Variants in MAPKAP1 observed in about 807,000 individuals in gnomAD.
The protein encoded by MAPKAP1 is MAPK associated protein 1.
Under a neutral mutation model 65.7 loss-of-function variants are expected in MAPKAP1, and 20 were observed. The ratio of observed to expected loss-of-function variants is 0.30; its 90% CI spans 0.21 to 0.44. The LOEUF is 0.44. Ranked by LOEUF, MAPKAP1 falls within the 20% of genes least tolerant of loss-of-function variation. MAPKAP1 has a pLI of 1.00. For missense variants in MAPKAP1, 423 were observed against 648.0 expected, an observed-to-expected ratio of 0.65 and a Z score of 3.77; for synonymous variants, 222 against 244.3, an observed-to-expected ratio of 0.91 and a Z score of 0.85.
At chr9:125,508,997 GCAAATTA>G (rs1479083897) in intron 7 of MAPKAP1, among the ~76,000 whole-genome samples, 23 of 151,934 alleles carry the variant, frequency 1.5e-4, no homozygotes, top group African/African-American at 5.6e-4. Flanking sequence ...TATGAAAGCA[GCAAATTA>G]CAGCACATTT....
At chr9:125,644,534 T>C (rs1009419504) in intron 4 of MAPKAP1, among the ~76,000 whole-genome samples, 5 of 152,258 alleles carry the variant, frequency 3.3e-5, no homozygotes, top group Admixed American at 6.5e-5. Flanking sequence ...TCCTTTTCCA[T>C]AGAAAATGGT....
Position 125,463,423 on chromosome 9 carries a change from A to C in MAPKAP1, c.1345+4549T>G, listed in dbSNP as rs564990163. Among the ~76,000 whole-genome samples, 5 of 152,370 alleles carry C rather than the reference A, an allele frequency of 3.3e-5. No homozygotes were observed. The South Asian group carries it at 1.0e-3, about 32-fold the overall frequency. On this transcript the variant is annotated intron_variant, in intron 10 of 11. Coordinates refer to ENST00000265960, the MANE Select transcript of MAPKAP1 (RefSeq NM_001006617.3). ...ATCATTATTCAGTAGCTTTAATTTA[A>C]TTAGTAAATTAAATACACTACTTTA...
intron 6 of MAPKAP1, among the ~76,000 whole-genome samples, chr9:125,557,774 G>C (rs535007996): frequency 1.2e-4 from 18 of 152,244 alleles, no homozygotes; most frequent in Non-Finnish European, 4.4e-5. Flanking sequence ...TAGATAGTAA[G>C]CTCCATGAGG....
chr9:125,594,408 C>T (rs1832063867), intron 4 of MAPKAP1, among the ~76,000 whole-genome samples: 2 of 152,242 alleles, frequency 1.3e-5, no homozygotes, highest in South Asian at 2.1e-4. Context: ...AGGCCCAGGT[C>T]GGAATCCTGG....
rs1853460601 is a variant in MAPKAP1 at position 125,460,643 on chromosome 9, C to T, written c.1345+7329G>A. 3.3e-5 allele frequency among the ~76,000 whole-genome samples: 5 copies of T among 152,290 alleles called. No homozygotes were observed. The South Asian group carries it at 1.0e-3, about 32-fold the overall frequency. On this transcript the variant is annotated intron_variant, in intron 10 of 11. Coordinates refer to ENST00000265960, the MANE Select transcript of MAPKAP1 (RefSeq NM_001006617.3). Reference sequence around the variant, plus strand: ...AGAGTGTTGATCCTTCTAGGGCCCACTGTATCAAAACACCTTTTTTATAGG... The same window carrying T: ...AGAGTGTTGATCCTTCTAGGGCCCATTGTATCAAAACACCTTTTTTATAGG...
intron 4 of MAPKAP1, among the ~76,000 whole-genome samples, chr9:125,610,567 T>TC (rs1474573356): frequency 6.6e-6 from 1 of 152,166 alleles, no homozygotes; most frequent in Non-Finnish European, 1.5e-5. Context: ...CGTGATACCC[T>TC]CCTCACAACC....
intron 6 of MAPKAP1, among the ~76,000 whole-genome samples, chr9:125,548,261 A>T (rs1830486052): frequency 6.6e-6 from 1 of 152,224 alleles, no homozygotes; most frequent in African/African-American, 2.4e-5. Context: ...GAAAGATAAG[A>T]AGTCAACAAA....
chr9:125,463,569 G>C (rs1170157280), intron 10 of MAPKAP1, among the ~76,000 whole-genome samples: 1 of 152,186 alleles, frequency 6.6e-6, no homozygotes, highest in African/African-American at 2.4e-5. Flanking sequence ...GCAAGTTCTA[G>C]TCACTAGGGT....
intron 6 of MAPKAP1, 50 bp downstream of exon 6, chr9:125,559,583 C>A: frequency 6.5e-7 from 1 of 1,531,590 alleles, no homozygotes; most frequent in Non-Finnish European, 8.9e-7. Context: ...ATCCAAAATG[C>A]TAGAAGGTTG....
intron 7 of MAPKAP1, among the ~76,000 whole-genome samples, chr9:125,538,739 G>C (rs1432307698): frequency 6.6e-6 from 1 of 151,982 alleles, no homozygotes; most frequent in Non-Finnish European, 1.5e-5. Context: ...AGGATGCAGA[G>C]AGCTCCCCTG....
intron 6 of MAPKAP1, among the ~76,000 whole-genome samples, chr9:125,549,951 T>C (rs1451292025): frequency 6.6e-5 from 10 of 152,216 alleles, no homozygotes; most frequent in Admixed American, 5.9e-4. Flanking sequence ...AAACACACCG[T>C]GGGCTACTTC....
chr9:125,630,910 AG>A lies in MAPKAP1; in HGVS notation c.498+26740del, dbSNP rs367614545. On this transcript the variant is annotated intron_variant, in intron 4 of 11. Coordinates refer to ENST00000265960, the MANE Select transcript of MAPKAP1 (RefSeq NM_001006617.3). ...TGAGACCAGCCTGGGCAACAAACAA[AG>A]GGAGACGCCATCTCTACAAAAAATA... Among the ~76,000 whole-genome samples, 739 of 152,246 alleles carry A rather than the reference AG, an allele frequency of 4.9e-3. 5 individuals carry two copies. The highest frequency in any genetic ancestry group is 0.017 in the African/African-American group (699 of 41,546).
intron 1 of MAPKAP1, among the ~76,000 whole-genome samples, chr9:125,681,796 C>T (rs1834829263): frequency 1.3e-5 from 2 of 152,202 alleles, no homozygotes; most frequent in South Asian, 2.1e-4. Flanking sequence ...ACAGAGATAG[C>T]GTCTCGCTCT....
At chr9:125,602,115 T>C (rs1246945278) in intron 4 of MAPKAP1, among the ~76,000 whole-genome samples, 2 of 152,060 alleles carry the variant, frequency 1.3e-5, no homozygotes, top group African/African-American at 4.8e-5. Flanking sequence ...TAGACAGGTG[T>C]GACGGTGTGA....
intron 1 of MAPKAP1, among the ~76,000 whole-genome samples, chr9:125,678,013 A>T (rs558255790): frequency 1.3e-5 from 2 of 151,918 alleles, no homozygotes; most frequent in East Asian, 3.9e-4. Flanking sequence ...AACTTCCCAG[A>T]CTCAGGTGAT....
At chr9:125,653,001 C>A (rs1833935737) in intron 4 of MAPKAP1, among the ~76,000 whole-genome samples, 1 of 152,242 alleles carries the variant, frequency 6.6e-6, no homozygotes, top group Non-Finnish European at 1.5e-5. Context: ...GCCCCATCGT[C>A]AGTGCCCTGT....
At chr9:125,525,542 G>A (rs991455731) in intron 7 of MAPKAP1, among the ~76,000 whole-genome samples, 2 of 151,920 alleles carry the variant, frequency 1.3e-5, no homozygotes, top group East Asian at 1.9e-4. Context: ...GTGCGGTGGC[G>A]CATGCCTGTA....
intron 1 of MAPKAP1, among the ~76,000 whole-genome samples, chr9:125,693,763 G>GTATATACACA (rs1491569010): frequency 1.4e-5 from 1 of 72,932 alleles, no homozygotes; most frequent in African/African-American, 5.7e-5. Flanking sequence ...ATATATACAC[G>GTATATACACA]TATATACACA....
intron 8 of MAPKAP1, among the ~76,000 whole-genome samples, chr9:125,488,183 T>A (rs1177302604): frequency 6.6e-6 from 1 of 152,156 alleles, no homozygotes; most frequent in Non-Finnish European, 1.5e-5. Flanking sequence ...CTGGGGGAGT[T>A]CTGAGCCTTG....
Sources: allele counts gnomAD v4.1 joint callset (sites outside exome capture counted in the v4.1 genomes callset), GRCh38; gene constraint gnomAD v4.1.1; transcripts MANE v1.5; gene names NCBI Gene and HGNC (gene_info 2026-07-23, HGNC 2026-07-21).